Variants in DNASE1L1 observed in about 807,000 individuals in gnomAD.
DNASE1L1 encodes the protein deoxyribonuclease-1-like 1.
A neutral mutation model predicts 18.6 loss-of-function variants in DNASE1L1; 8 were observed. That is an observed-to-expected ratio of 0.43 (90% CI 0.25 to 0.78). The LOEUF is 0.78. Among genes scored for constraint, DNASE1L1 ranks in the 30% least tolerant of loss-of-function variants. The probability of loss-of-function intolerance (pLI) is 0.23; values close to 1 mark genes in which losing one functional copy is unlikely to be tolerated. For synonymous variants in DNASE1L1, 114 were observed against 114.2 expected (o/e 1.00, Z 0.01); for missense variants, 214 against 258.2 (o/e 0.83, Z 1.17).
Position 154,402,488 on chromosome X carries a change from C to T in DNASE1L1, c.*219G>A. On this transcript the variant is annotated 3_prime_UTR_variant, in exon 8 of 8. Transcript: ENST00000369807. ...TGTCTCCACTCCTGATACTACACTA[C>T]CTGGCAGGTGGCATGAGTGCAGGGC... The T allele has an allele frequency of 2.6e-6, 1 of 384,496 alleles. No individual in the cohort carries two copies. The highest frequency in any genetic ancestry group is 7.9e-4 in the Middle Eastern group (1 of 1,270). 31.7% of individuals were successfully genotyped at this position (384,496 alleles called of 1,213,427 possible).
chrX:154,408,222 C>T (rs1050583511), intron 1 of DNASE1L1, among the ~76,000 whole-genome samples: 2 of 111,450 alleles, frequency 1.8e-5, no homozygotes, highest in Non-Finnish European at 3.8e-5. Context: ...TGTGAGCCAC[C>T]GCGCCCGGCT....
rs782534538 is a variant in DNASE1L1, at chrX:154,403,243, C to G, written c.525+26G>C. 4.3e-5 allele frequency: 52 copies of G among 1,207,665 alleles called. No homozygotes were observed. The South Asian group carries it at 8.5e-4, about 20-fold the overall frequency. ...CCGCTGGGCCACCCTATCCTTGTCC[C>G]TCCTGTACAAACTGCCCAGGCCTAC... is the stretch of plus-strand genomic sequence containing the variant. On this transcript the variant is annotated intron_variant, in intron 6 of 7. Coordinates refer to ENST00000369807, the MANE Select transcript of DNASE1L1 (RefSeq NM_001303620.2).
In DNASE1L1 at chrX:154,402,005, A is replaced by G. The variant is rs2068051157; in HGVS notation, c.*702T>C. On this transcript the variant is annotated 3_prime_UTR_variant, in exon 8 of 8. Coordinates refer to ENST00000369807, the MANE Select transcript of DNASE1L1 (RefSeq NM_001303620.2). ...GCCCCTTTCCGGGACACCTGGGTTC[A>G]CACAGCTTTTTAGCTTACATAACTG... The G allele has an allele frequency of 8.9e-6, 1 of 111,854 alleles. No homozygotes were observed. The highest frequency in any genetic ancestry group is 1.9e-5 in the Non-Finnish European group (1 of 53,215). 9.2% of individuals were successfully genotyped at this position (111,854 alleles called of 1,213,427 possible).
chrX:154,405,250 C>T (rs2068126489), intron 2 of DNASE1L1, among the ~76,000 whole-genome samples, 167 bp from the exon 3 acceptor site: 1 of 112,858 alleles, frequency 8.9e-6, no homozygotes, highest in Non-Finnish European at 1.9e-5. Context: ...CTCATCCCAC[C>T]CACATGTCAC....
At chrX:154,411,545 C>T (rs1557190321), upstream of DNASE1L1, 4 of 356,824 alleles carry the variant, frequency 1.1e-5, no homozygotes, top group Non-Finnish European at 2.0e-5. Context: ...GTTCGCTTTC[C>T]GGCGGTTGCA....
In DNASE1L1 at chrX:154,402,446, C is replaced by A. The variant is rs1603370757; in HGVS notation, c.*261G>T. The A allele has an allele frequency of 3.1e-6, 1 of 318,307 alleles. No individual in the cohort carries two copies. Among genetic ancestry groups the A allele is most frequent in the East Asian group, 4.8e-5 (1 of 20,903 alleles). The allele number at this position is 318,307 out of a possible 1,213,427, so 26.2% of individuals were successfully genotyped here. Reference sequence around the variant, plus strand: ...TTCTGAACCCTCCCTTCCCCTACCCCAACCCAGAGCCCACTTTGTCTCCAC... The same window carrying A: ...TTCTGAACCCTCCCTTCCCCTACCCAAACCCAGAGCCCACTTTGTCTCCAC... On this transcript the variant is annotated 3_prime_UTR_variant, in exon 8 of 8. Coordinates refer to ENST00000369807, the MANE Select transcript of DNASE1L1 (RefSeq NM_001303620.2).
In DNASE1L1 at chrX:154,401,565, TGTA is replaced by T. The variant is rs1210333985; in HGVS notation, c.*1139_*1141del. The T allele has an allele frequency of 4.4e-5, 5 of 114,562 alleles. No homozygotes were observed. The highest frequency in any genetic ancestry group is 3.6e-4 in the Admixed American group (4 of 11,213). 9.4% of individuals were successfully genotyped at this position (114,562 alleles called of 1,213,427 possible). A position where few individuals can be genotyped will look rare whatever the true frequency, so the allele number is the denominator to read the frequency against. On this transcript the variant is annotated 3_prime_UTR_variant, in exon 8 of 8. Coordinates refer to ENST00000369807, the MANE Select transcript of DNASE1L1 (RefSeq NM_001303620.2). ...ATCTTAGATGTCTGACCTGAACTAT[TGTA>T]GAACAGCGCTGGCTTTTGGGGGAGC...
Position 154,407,552 on chromosome X carries a change from T to C in DNASE1L1, c.-88+1560A>G, listed in dbSNP as rs1485428897. 3.8e-5 allele frequency among the ~76,000 whole-genome samples: 4 copies of C among 104,674 alleles called. No homozygotes were observed. In the Admixed American group the frequency reaches 4.1e-4, roughly 11 times the overall value. The allele number at this position is 104,674 out of a possible 115,157, so 90.9% of individuals were successfully genotyped here. On this transcript the variant is annotated intron_variant, in intron 1 of 7. Transcript: ENST00000369807. ...CTGCGCCCAGCCAGTGCTGGGATAT[T>C]ATAGGCCTGACCCACTGCGCCTGGC...
Position 154,403,071 on chromosome X carries a change from G to A in DNASE1L1, c.645C>T (p.Asp215=), listed in dbSNP as rs781838639. Reference sequence around the variant, plus strand: ...AGTGGGTGCTGGCCCGCACTGTGGTGTCCTCCCCATCGGCAATCACCCAGT... The same window carrying A: ...AGTGGGTGCTGGCCCGCACTGTGGTATCCTCCCCATCGGCAATCACCCAGT... ...GFHWVIADGE[D]TTVRASTHCT... The change falls in exon 7 of 8, where the codon GAC becomes GAT. Residue 215 remains aspartate, a synonymous_variant. Coordinates refer to ENST00000369807, the MANE Select transcript of DNASE1L1 (RefSeq NM_001303620.2). 5.0e-6 allele frequency: 6 copies of A among 1,211,792 alleles called. No homozygotes were observed. The highest frequency in any genetic ancestry group is 1.8e-5 in the South Asian group (1 of 57,043).
At chrX:154,404,036 G>A (rs1484919867) in intron 4 of DNASE1L1, among the ~76,000 whole-genome samples, 11 of 107,569 alleles carry the variant, frequency 1.0e-4, no homozygotes, top group African/African-American at 3.8e-4. Flanking sequence ...AATGTTTTCT[G>A]CGTTCGTCCA....
At chrX:154,407,376 T>A (rs2068177633) in intron 1 of DNASE1L1, among the ~76,000 whole-genome samples, 1 of 103,774 alleles carries the variant, frequency 9.6e-6, no homozygotes, top group Non-Finnish European at 2.0e-5. Flanking sequence ...TAGCTGGGAT[T>A]ACAGGCACCC....
chrX:154,403,477 C>T (rs2068087398), intron 5 of DNASE1L1, 45 bp downstream of exon 5: 2 of 1,196,458 alleles, frequency 1.7e-6, no homozygotes, highest in Non-Finnish European at 2.3e-6. Context: ...CCAGCCAGAA[C>T]TCCCCTTCTG....
chrX:154,404,762 G>A (rs2068115897), intron 4 of DNASE1L1, 66 bp downstream of exon 4: 2 of 1,068,897 alleles, frequency 1.9e-6, no homozygotes, highest in South Asian at 4.3e-5. Flanking sequence ...GGGGACTAAT[G>A]AGCCTACCTC....
intron 1 of DNASE1L1, chrX:154,408,895 G>T: frequency 4.9e-6 from 1 of 204,018 alleles, no homozygotes; most frequent in Non-Finnish European, 9.6e-6. Context: ...GGCAGCCCTG[G>T]GCTGGCACAT....
In DNASE1L1 at chrX:154,401,556, C is replaced by G. The variant is rs1010700600; in HGVS notation, c.*1151G>C. 6.9e-5 allele frequency: 8 copies of G among 116,234 alleles called. No individual in the cohort carries two copies. The highest frequency in any genetic ancestry group is 1.4e-4 in the Non-Finnish European group (8 of 55,758). 9.6% of individuals were successfully genotyped at this position (116,234 alleles called of 1,213,427 possible). The stretch of plus-strand genomic sequence containing the variant: ...GGCCTGGGGATCTTAGATGTCTGAC[C>G]TGAACTATTGTAGAACAGCGCTGGC... On this transcript the variant is annotated 3_prime_UTR_variant, in exon 8 of 8. Coordinates refer to ENST00000369807, the MANE Select transcript of DNASE1L1 (RefSeq NM_001303620.2).
Position 154,403,121 on chromosome X carries a change from C to G in DNASE1L1, c.595G>C (p.Glu199Gln), listed in dbSNP as rs1557187356. ...TGGAAGCCTGGCTCAGTCCGCAGCT[C>G]CAGCTTGTCCAGGCGCTTTTTGGTC... The part of the protein sequence containing the change: ...SLTKKRLDKL[E>Q]LRTEPGFHWV... The change falls in exon 7 of 8, where the codon GAG becomes CAG. Residue 199 changes from glutamate (E) to glutamine (Q), a missense_variant. Coordinates refer to ENST00000369807, the MANE Select transcript of DNASE1L1 (RefSeq NM_001303620.2). 8.3e-7 allele frequency: 1 copy of G among 1,211,750 alleles called. No homozygotes were observed. Among genetic ancestry groups the G allele is most frequent in the South Asian group, 1.8e-5 (1 of 57,005 alleles).
chrX:154,410,454 G>A (rs2068251301), upstream of DNASE1L1, among the ~76,000 whole-genome samples: 1 of 111,202 alleles, frequency 9.0e-6, no homozygotes, highest in Admixed American at 9.5e-5. Flanking sequence ...TCAGGAGGCT[G>A]AGACAGAAGA....
Position 154,403,130 on chromosome X carries a change from C to A in DNASE1L1, c.586G>T (p.Asp196Tyr). The change falls in exon 7 of 8, where the codon GAC becomes TAC. Residue 196 changes from aspartate to tyrosine, a missense_variant. Coordinates refer to ENST00000369807, the MANE Select transcript of DNASE1L1 (RefSeq NM_001303620.2). ...GGCTCAGTCCGCAGCTCCAGCTTGTCCAGGCGCTTTTTGGTCAGTGAAGCG... is the reference window on the plus strand; with the variant it reads ...GGCTCAGTCCGCAGCTCCAGCTTGTACAGGCGCTTTTTGGTCAGTGAAGCG... The part of the protein sequence containing the change: ...DCASLTKKRL[D>Y]KLELRTEPGF... 8.3e-7 allele frequency: 1 copy of A among 1,211,791 alleles called. No individual in the cohort carries two copies. The highest frequency in any genetic ancestry group is 3.0e-5 in the East Asian group (1 of 33,856).
At chrX:154,407,571 G>A (rs1321791134) in intron 1 of DNASE1L1, among the ~76,000 whole-genome samples, 23 of 97,397 alleles carry the variant, frequency 2.4e-4, no homozygotes, top group Non-Finnish European at 3.1e-4. Context: ...GACCCACTGC[G>A]CCTGGCCTAG....
Sources: gnomAD v4.1 joint callset for allele counts (sites outside exome capture counted in the v4.1 genomes callset) on GRCh38, gnomAD v4.1.1 for gene constraint, MANE v1.5 for transcripts, NCBI Gene and HGNC (gene_info 2026-07-23, HGNC 2026-07-21) for gene names.